ASIP: variants seen among roughly 807,000 people sequenced by gnomAD.
The protein encoded by ASIP is agouti-signaling protein.
In ASIP, 11 loss-of-function variants were observed where a neutral mutation model predicts 10.3. The ratio of observed to expected loss-of-function variants is 1.07; its 90% CI spans 0.68 to 1.78. The LOEUF (loss-of-function observed/expected upper bound fraction) is 1.78. Ranked by LOEUF, ASIP falls within the 40% of genes most tolerant of loss-of-function variation. The probability of loss-of-function intolerance (pLI) is 0.00; values close to 1 mark genes in which losing one functional copy is unlikely to be tolerated. For synonymous variants in ASIP, 70 were observed against 70.8 expected (o/e 0.99, Z 0.06); for missense variants, 180 against 169.2 (o/e 1.06, Z -0.35).
the ASIP span, among the ~76,000 whole-genome samples, chr20:34,187,002 CG>C: frequency 6.6e-6 from 1 of 151,990 alleles, no homozygotes; most frequent in South Asian, 2.1e-4. Context: ...TTACTAGAGA[CG>C]GGGTTTCACC....
At position 34,264,789 on chromosome 20, in the gene ASIP, A is replaced by ATTT. The variant is rs34382186; in HGVS notation, c.222+1917_222+1919dup. Among the ~76,000 whole-genome samples, 195 of 104,154 alleles carry ATTT rather than the reference A, an allele frequency of 1.9e-3. 1 individual carries two copies. The highest frequency in any genetic ancestry group is 3.7e-3 in the African/African-American group (96 of 25,630). The allele number at this position is 104,154 out of a possible 152,430, so 68.3% of individuals were successfully genotyped here. On this transcript the variant is annotated intron_variant, in intron 3 of 3. Coordinates refer to ENST00000374954, the MANE Select transcript of ASIP (RefSeq NM_001672.3). ...TATTTTATTTTCCCTAGTTTACTTC[A>ATTT]TTTTTTTTTTTTTTTTTTTTTTTAG...
Position 34,198,348 on chromosome 20 carries a change from C to A in ASIP, c.-11+3588C>A, listed in dbSNP as rs1242101817. 2.6e-5 allele frequency among the ~76,000 whole-genome samples: 4 copies of A among 152,060 alleles called. No individual in the cohort carries two copies. In the East Asian group the frequency reaches 5.8e-4, roughly 22 times the overall value. ...CAGGTGATCTGCCGACATCAGGCTC[C>A]CAAACTGCTAGGATTACAGGCGTGA... On this transcript the variant is annotated intron_variant, in intron 1 of 3. Coordinates refer to the ASIP transcript ENST00000568305.
intron 1 of ASIP, among the ~76,000 whole-genome samples, chr20:34,202,583 C>T (rs919675563): frequency 6.6e-6 from 1 of 151,904 alleles, no homozygotes; most frequent in Non-Finnish European, 1.5e-5. Flanking sequence ...CATCATGTAC[C>T]GAAAACACTA....
upstream of ASIP, among the ~76,000 whole-genome samples, chr20:34,193,594 G>A (rs964100436): frequency 1.3e-5 from 2 of 152,210 alleles, no homozygotes; most frequent in African/African-American, 4.8e-5. Flanking sequence ...TTGGACATCT[G>A]AATTATTGGA....
At chr20:34,189,590 A>G (rs1394529229), upstream of ASIP, among the ~76,000 whole-genome samples, 2 of 152,174 alleles carry the variant, frequency 1.3e-5, no homozygotes, top group Non-Finnish European at 2.9e-5. Flanking sequence ...ACACGGATGA[A>G]CAGCCTGAGG....
chr20:34,203,884 C>T lies in ASIP; in HGVS notation c.-11+9124C>T, dbSNP rs955706415. Among the ~76,000 whole-genome samples the T allele has an allele frequency of 9.9e-5, 15 of 151,368 alleles. No homozygotes were observed. The South Asian group carries it at 2.1e-3, about 21-fold the overall frequency. ...GATTACAGGCACACGCCACCATACCCGGCTAATTTTGTATTTTTAGTAGAG... is the reference window on the plus strand; with the variant it reads ...GATTACAGGCACACGCCACCATACCTGGCTAATTTTGTATTTTTAGTAGAG... On this transcript the variant is annotated intron_variant, in intron 1 of 3. Coordinates refer to the ASIP transcript ENST00000568305.
At chr20:34,245,783 A>T (rs1568761257) in intron 1 of ASIP, among the ~76,000 whole-genome samples, 2 of 151,806 alleles carry the variant, frequency 1.3e-5, no homozygotes, top group African/African-American at 4.8e-5. Context: ...AAAACAAGCA[A>T]CCTTGTACAA....
chr20:34,243,193 G>A (rs1343166176), intron 1 of ASIP, among the ~76,000 whole-genome samples: 1 of 152,212 alleles, frequency 6.6e-6, no homozygotes, highest in Admixed American at 6.5e-5. Flanking sequence ...CCCTTGAGAA[G>A]GGACACAGCC....
intron 1 of ASIP, among the ~76,000 whole-genome samples, chr20:34,256,906 G>A (rs1478467154): frequency 1.3e-5 from 2 of 151,954 alleles, no homozygotes; most frequent in Non-Finnish European, 2.9e-5. Flanking sequence ...TCAGCCACCC[G>A]AGTAGCTGGG....
chr20:34,219,670 G>A (rs1196655737), intron 1 of ASIP, among the ~76,000 whole-genome samples: 1 of 152,208 alleles, frequency 6.6e-6, no homozygotes, highest in East Asian at 1.9e-4. Context: ...CAGTTACTAG[G>A]TTTTGCTGGG....
intron 1 of ASIP, chr20:34,215,787 G>A (rs1464461799): frequency 6.5e-7 from 1 of 1,542,944 alleles, no homozygotes; most frequent in Non-Finnish European, 9.0e-7. Flanking sequence ...GCACACACCT[G>A]CCAGGCATCT....
intron 1 of ASIP, among the ~76,000 whole-genome samples, chr20:34,235,878 GA>G (rs1568756290): frequency 2.1e-5 from 2 of 93,262 alleles, no homozygotes; most frequent in African/African-American, 5.8e-5. Context: ...AGGAAGGAAG[GA>G]AGGAAGGAAG....
At chr20:34,190,208 G>C (rs533735946), upstream of ASIP, among the ~76,000 whole-genome samples, 2 of 152,158 alleles carry the variant, frequency 1.3e-5, no homozygotes, top group Non-Finnish European at 2.9e-5. Context: ...CTGCCTGTCC[G>C]ATAGATTGGA....
chr20:34,244,103 C>T (rs984773919), intron 1 of ASIP, among the ~76,000 whole-genome samples: 5 of 152,102 alleles, frequency 3.3e-5, no homozygotes, highest in Non-Finnish European at 5.9e-5. Context: ...CATTCAAGAT[C>T]GTAATTTGCA....
chr20:34,190,153 T>C (rs564116046), upstream of ASIP, among the ~76,000 whole-genome samples: 222 of 152,284 alleles, frequency 1.5e-3, 2 homozygotes, highest in Non-Finnish European at 2.7e-3. Context: ...AAGCCTACCA[T>C]TGGGAATCAC....
At chr20:34,235,080 T>C (rs550206338) in intron 1 of ASIP, 2 of 152,346 alleles carry the variant, frequency 1.3e-5, no homozygotes, top group African/African-American at 2.4e-5. Flanking sequence ...TGCTCACCAG[T>C]CAGGCATATC....
intron 1 of ASIP, among the ~76,000 whole-genome samples, chr20:34,249,816 AC>A (rs1466305093): frequency 1.3e-5 from 2 of 152,206 alleles, no homozygotes; most frequent in African/African-American, 4.8e-5. Flanking sequence ...GGGCCAGAGA[AC>A]CCATTATGGA....
At chr20:34,257,562 CTAAAA>C (rs1157215213) in intron 1 of ASIP, among the ~76,000 whole-genome samples, 2 of 151,992 alleles carry the variant, frequency 1.3e-5, no homozygotes, top group Non-Finnish European at 2.9e-5. Flanking sequence ...TTTTATGTAA[CTAAAA>C]TATTATCTAG....
intron 3 of ASIP, among the ~76,000 whole-genome samples, chr20:34,264,657 T>A (rs1232281696): frequency 6.6e-6 from 1 of 152,212 alleles, no homozygotes; most frequent in African/African-American, 2.4e-5. Flanking sequence ...TGTAAACAGA[T>A]GAAGTAAACT....
Sources: gnomAD v4.1 joint callset for allele counts (sites outside exome capture counted in the v4.1 genomes callset) on GRCh38, gnomAD v4.1.1 for gene constraint, MANE v1.5 for transcripts, NCBI Gene and HGNC (gene_info 2026-07-23, HGNC 2026-07-21) for gene names.